The following LARP1 variants were observed in gnomAD, a reference collection of about 807,000 sequenced individuals.
LARP1 encodes la-related protein 1.
In LARP1, 36 loss-of-function variants were observed where a neutral mutation model predicts 122.7. That is an observed-to-expected ratio of 0.29 (90% CI 0.22 to 0.39). LARP1 has a LOEUF of 0.39. LARP1 is among the 10% of genes least tolerant of loss of function. The probability of loss-of-function intolerance (pLI) is 1.00; values close to 1 mark genes in which losing one functional copy is unlikely to be tolerated. For missense variants in LARP1, 1,040 were observed against 1,403.6 expected, an observed-to-expected ratio of 0.74 and a Z score of 4.14; for synonymous variants, 539 against 528.7, an observed-to-expected ratio of 1.02 and a Z score of -0.27.
intron 1 of LARP1, among the ~76,000 whole-genome samples, chr5:154,771,727 C>T (rs1300727400): frequency 6.6e-6 from 1 of 152,208 alleles, no homozygotes; most frequent in East Asian, 1.9e-4. Context: ...AAGCCAGGCA[C>T]TGATCCTGCT....
chr5:154,779,759 C>T (rs555321695), intron 1 of LARP1, among the ~76,000 whole-genome samples: 111 of 152,172 alleles, frequency 7.3e-4, no homozygotes, highest in African/African-American at 2.6e-3. Flanking sequence ...CCGCCTGCCT[C>T]GGCCTCCCAA....
upstream of LARP1, among the ~76,000 whole-genome samples, chr5:154,710,742 CAAAAAAA>C (rs35253134): frequency 5.4e-5 from 5 of 92,436 alleles, no homozygotes; most frequent in Admixed American, 6.4e-4. Context: ...GACTCCATCT[CAAAAAAA>C]AAAAAAAAAA....
intron 8 of LARP1, among the ~76,000 whole-genome samples, chr5:154,797,218 GTTGTTTTTT>G (rs1385161573): frequency 0.091 from 5,971 of 65,944 alleles, 209 homozygotes; most frequent in Middle Eastern, 0.16. Context: ...TTTTGTTGTT[GTTGTTTTTT>G]TTTTTTTTTT....
chr5:154,694,120 C>CA (rs1053847481), intron 1 of LARP1, among the ~76,000 whole-genome samples: 5 of 151,196 alleles, frequency 3.3e-5, no homozygotes, highest in Admixed American at 1.3e-4. Flanking sequence ...GTTGTAAAAA[C>CA]AAAAAAAAGT....
In LARP1 at chr5:154,813,925, AG is replaced by A. The variant is rs750518776; in HGVS notation, c.3121del (p.Val1041TrpfsTer2). ...AGGAGGGCAACCACAAGCGACACTC[AG>A]TGGTAGCAGGAGGTGGCGGCGGTGA... ...GEEGNHKRHSVVAGGGGGEGR... is the reference protein window; with the variant it reads ...GEEGNHKRHSXVAGGGGGEGR... On this transcript the variant is annotated frameshift_variant, in exon 19 of 19. Coordinates refer to ENST00000518297, the MANE Select transcript of LARP1 (RefSeq NM_033551.3). LOFTEE classifies it high-confidence loss of function. 1 of 1,614,072 alleles carries A rather than the reference AG, an allele frequency of 6.2e-7. No homozygotes were observed. The highest frequency in any genetic ancestry group is 1.1e-5 in the South Asian group (1 of 91,076).
Position 154,813,985 on chromosome 5 carries a change from CAG to C in LARP1, c.3181_3182del (p.Arg1061AlafsTer50), listed in dbSNP as rs1759493990. ...AGCGGTGCCCCTCCCAGTCTTCCAG[CAG>C]GCCTGCTGCCATGATCAGCCAACCC... is the stretch of plus-strand genomic sequence containing the variant. ...RKRCPSQSSS[R>X]PAAMISQPPT... On this transcript the variant is annotated frameshift_variant, in exon 19 of 19. Coordinates refer to ENST00000518297, the MANE Select transcript of LARP1 (RefSeq NM_033551.3). LOFTEE classifies it high-confidence loss of function. The C allele has an allele frequency of 1.9e-6, 3 of 1,614,014 alleles. No individual in the cohort carries two copies. The highest frequency in any genetic ancestry group is 2.5e-6 in the Non-Finnish European group (3 of 1,180,006).
intron 18 of LARP1, among the ~76,000 whole-genome samples, chr5:154,812,445 A>AAAT (rs1194644411): frequency 1.3e-5 from 2 of 150,598 alleles, no homozygotes; most frequent in African/African-American, 4.9e-5. Flanking sequence ...AAGGGGAAGC[A>AAAT]AATACATCCT....
At chr5:154,796,032 T>A (rs1236280240) in intron 8 of LARP1, among the ~76,000 whole-genome samples, 5 of 106,150 alleles carry the variant, frequency 4.7e-5, no homozygotes, top group African/African-American at 1.5e-4. Context: ...ATATATATTT[T>A]TATATATATT....
intron 1 of LARP1, among the ~76,000 whole-genome samples, chr5:154,717,028 C>T (rs1446973275): frequency 6.7e-6 from 1 of 149,284 alleles, no homozygotes; most frequent in Non-Finnish European, 1.5e-5. Context: ...CTGCTGTACT[C>T]CAGCCTGGGT....
chr5:154,778,075 C>G (rs531877810), intron 1 of LARP1, among the ~76,000 whole-genome samples: 1 of 152,082 alleles, frequency 6.6e-6, no homozygotes, highest in South Asian at 2.1e-4. Flanking sequence ...TCCTGGCTAA[C>G]ACGGTGAAAC....
intron 1 of LARP1, among the ~76,000 whole-genome samples, chr5:154,736,600 CTG>C: frequency 6.7e-6 from 1 of 148,530 alleles, no homozygotes; most frequent in South Asian, 2.1e-4. Flanking sequence ...GAGTCTCACT[CTG>C]TTGCCCAAGC....
Position 154,803,337 on chromosome 5 carries a change from G to A in LARP1, c.2157G>A (p.Gln719=), listed in dbSNP as rs1379238670. ...FKKVNMISRE[Q]FDTLTPEPPV... ...AGGTCAATATGATCAGCCGGGAGCA[G>A]TTTGACACACTGACCCCTGAGCCCC... The change falls in exon 12 of 19, where the codon CAG becomes CAA. Residue 719 remains glutamine, a synonymous_variant. Transcript: ENST00000518297. This position sits in a 1 kb window ranked among gnomAD's most constrained non-coding sequence, Gnocchi z 4.4. 6.2e-7 allele frequency: 1 copy of A among 1,614,190 alleles called. No homozygotes were observed. The highest frequency in any genetic ancestry group is 8.5e-7 in the Non-Finnish European group (1 of 1,180,044).
Position 154,756,075 on chromosome 5 carries a change from C to G in LARP1, c.318C>G (p.Ala106=), listed in dbSNP as rs759900407. The change falls in exon 1 of 19, where the codon GCC becomes GCG. Residue 106 remains alanine, a synonymous_variant. Coordinates refer to ENST00000518297, the MANE Select transcript of LARP1 (RefSeq NM_033551.3). ...AGCCAGGCGCTGGCGGAGGAGCTGC[C>G]GGAGCCGCGGGCGCGGGGCGCCGGG... ...GGEPGAGGGA[A]GAAGAGRRDF... The G allele has an allele frequency of 1.7e-6, 2 of 1,147,366 alleles. No individual in the cohort carries two copies. Among genetic ancestry groups the G allele is most frequent in the Non-Finnish European group, 1.1e-6 (1 of 919,668 alleles). The allele number at this position is 1,147,366 out of a possible 1,614,324, so 71.1% of individuals were successfully genotyped here.
chr5:154,805,626 A>T (rs1265796786), intron 14 of LARP1: 1 of 411,222 alleles, frequency 2.4e-6, no homozygotes, highest in African/African-American at 2.1e-5. Flanking sequence ...CGTTTCTGCC[A>T]TTAAATAGTC....
intron 2 of LARP1, 90 bp from the exon 3 acceptor site, chr5:154,790,555 G>T: frequency 7.0e-7 from 1 of 1,425,880 alleles, no homozygotes; most frequent in Non-Finnish European, 9.9e-7. Flanking sequence ...GACTGATTTG[G>T]CCTCTGATCT....
At position 154,732,199 on chromosome 5, in the gene LARP1, A is replaced by C. The variant is rs868282403; in HGVS notation, c.205+19069A>C. Among the ~76,000 whole-genome samples, 36 of 133,930 alleles carry C rather than the reference A, an allele frequency of 2.7e-4. No individual in the cohort carries two copies. The Middle Eastern group carries it at 0.011, about 41-fold the overall frequency. The allele number at this position is 133,930 out of a possible 152,430, so 87.9% of individuals were successfully genotyped here. ...CAAAACAAAACAAAACAAAAAAAAA[A>C]AAAAAAGAAAGGTGAATCTGGTGCA... On this transcript the variant is annotated intron_variant, in intron 1 of 18. Transcript: ENST00000336314.
intron 1 of LARP1, chr5:154,756,632 A>G (rs995343244): frequency 6.9e-6 from 3 of 432,818 alleles, no homozygotes; most frequent in African/African-American, 4.3e-5. Flanking sequence ...GTAAATGTTT[A>G]ATGAGCATAT....
intron 1 of LARP1, among the ~76,000 whole-genome samples, chr5:154,699,382 A>C (rs1159663402): frequency 6.6e-6 from 1 of 152,176 alleles, no homozygotes; most frequent in Non-Finnish European, 1.5e-5. Context: ...TAAATAAAGC[A>C]TTAGGCCAGG....
intron 4 of LARP1, among the ~76,000 whole-genome samples, chr5:154,793,290 T>C (rs1483802403): frequency 6.6e-6 from 1 of 152,174 alleles, no homozygotes; most frequent in Non-Finnish European, 1.5e-5. Context: ...GGCACCTGTC[T>C]ATAGGGACTC....
Sources: allele counts gnomAD v4.1 joint callset (sites outside exome capture counted in the v4.1 genomes callset), GRCh38; gene constraint gnomAD v4.1.1; non-coding constraint Gnocchi (gnomAD v3.1); transcripts MANE v1.5; gene names NCBI Gene and HGNC (gene_info 2026-07-23, HGNC 2026-07-21).